KDM2A: variants seen among roughly 807,000 people sequenced by gnomAD.
KDM2A encodes the protein lysine-specific demethylase 2A.
In KDM2A, 3 loss-of-function variants were observed where a neutral mutation model predicts 137.3. The ratio of observed to expected loss-of-function variants is 0.02; its 90% confidence interval spans 0.01 to 0.06. The LOEUF is 0.06. Among genes scored for constraint, KDM2A ranks in the 10% least tolerant of loss-of-function variants. The pLI, the probability that KDM2A is intolerant of heterozygous loss-of-function variation, is 1.00. For synonymous variants in KDM2A, 512 were observed against 541.5 expected (o/e 0.95, Z 0.76); for missense variants, 738 against 1,510.6 (o/e 0.49, Z 8.48).
rs1856204238 is a variant in KDM2A at position 67,144,730 on chromosome 11, A to G, written c.42+23372A>G. On this transcript the variant is annotated intron_variant, in intron 2 of 20. Coordinates refer to ENST00000529006, the MANE Select transcript of KDM2A (RefSeq NM_012308.3). The stretch of plus-strand genomic sequence containing the variant: ...CGGCACGCACCACGAAGCCCAGCTA[A>G]TATTTGGTATTTTTTTTGTAGTGAT... Among the ~76,000 whole-genome samples the G allele has an allele frequency of 2.0e-5, 3 of 149,484 alleles. No homozygotes were observed. In the South Asian group the frequency reaches 6.4e-4, roughly 32 times the overall value.
intron 6 of KDM2A, among the ~76,000 whole-genome samples, chr11:67,210,032 A>T (rs1458019700): frequency 6.6e-6 from 1 of 151,932 alleles, no homozygotes; most frequent in Admixed American, 6.6e-5. Flanking sequence ...CCTAGCCAAC[A>T]TTGCAAGAAT....
At chr11:67,177,173 A>G (rs1212501770) in intron 2 of KDM2A, among the ~76,000 whole-genome samples, 1 of 152,032 alleles carries the variant, frequency 6.6e-6, no homozygotes, top group African/African-American at 2.4e-5. Context: ...GGCTGAGGCG[A>G]GAGAATCACT....
intron 5 of KDM2A, among the ~76,000 whole-genome samples, chr11:67,195,236 G>T (rs1857447972): frequency 6.6e-6 from 1 of 151,922 alleles, no homozygotes; most frequent in Non-Finnish European, 1.5e-5. Flanking sequence ...GGGCGTGGTG[G>T]CGCATGCCTA....
chr11:67,234,565 G>A (rs1228728324), intron 12 of KDM2A, among the ~76,000 whole-genome samples: 1 of 152,296 alleles, frequency 6.6e-6, no homozygotes, highest in Non-Finnish European at 1.5e-5. Context: ...GAAAAAATAG[G>A]ACATTAAAAA....
chr11:67,167,861 C>T (rs1856781677), intron 2 of KDM2A, among the ~76,000 whole-genome samples: 1 of 152,148 alleles, frequency 6.6e-6, no homozygotes, highest in Non-Finnish European at 1.5e-5. Context: ...TAATTTATCA[C>T]TGCATCTTCT....
intron 5 of KDM2A, among the ~76,000 whole-genome samples, chr11:67,198,668 C>T (rs1157024842): frequency 3.3e-5 from 5 of 150,630 alleles, no homozygotes. Context: ...TGAGATCCCG[C>T]CACTGCACTC....
intron 2 of KDM2A, among the ~76,000 whole-genome samples, chr11:67,169,260 A>G (rs114681982): frequency 0.018 from 2,785 of 151,516 alleles, 85 homozygotes; most frequent in African/African-American, 0.064. Context: ...GGCCTAATCC[A>G]TGTAGCTTTA....
At chr11:67,211,922 T>G (rs184693549) in intron 6 of KDM2A, among the ~76,000 whole-genome samples, 1 of 152,242 alleles carries the variant, frequency 6.6e-6, no homozygotes, top group East Asian at 1.9e-4. Context: ...CAGTGGAAAA[T>G]GATATCATTC....
chr11:67,237,528 C>T (rs1858906775), intron 12 of KDM2A, among the ~76,000 whole-genome samples: 1 of 151,860 alleles, frequency 6.6e-6, no homozygotes, highest in Admixed American at 6.6e-5. Context: ...GAACTCCTTG[C>T]CTTGAGCAAT....
chr11:67,156,126 T>C (rs1856509579), intron 2 of KDM2A, among the ~76,000 whole-genome samples: 4 of 150,836 alleles, frequency 2.7e-5, no homozygotes, highest in Admixed American at 2.6e-4. Context: ...CACATGCCTG[T>C]AATCTCAGCT....
chr11:67,130,692 T>C (rs945594551), intron 2 of KDM2A, among the ~76,000 whole-genome samples: 4 of 152,190 alleles, frequency 2.6e-5, no homozygotes, highest in African/African-American at 9.6e-5. Flanking sequence ...TCTGTTTATC[T>C]CACTTTTGGA....
At chr11:67,247,954 G>A (rs1859300924) in intron 15 of KDM2A, among the ~76,000 whole-genome samples, 1 of 152,150 alleles carries the variant, frequency 6.6e-6, no homozygotes. Flanking sequence ...GGGTTTTGTT[G>A]TATCTCTGGC....
rs1859393658 is a variant in KDM2A at position 67,250,698 on chromosome 11, G to A, written c.2668G>A (p.Glu890Lys). Reference sequence around the variant, plus strand: ...GGGCAGTTGGGCTCAGGATGGAGACGAAAGCTGGATGCAGCGGGAGGTCTG... The same window carrying A: ...GGGCAGTTGGGCTCAGGATGGAGACAAAAGCTGGATGCAGCGGGAGGTCTG... ...GRGSWAQDGD[E>K]SWMQREVWMS... The change falls in exon 17 of 21, where the codon GAA (glutamate) becomes AAA (lysine). Residue 890 changes from glutamate (E) to lysine (K), a missense_variant. Physicochemically the swap from Glu to Lys is moderately conservative, Grantham distance 56. Transcript: ENST00000529006. The surrounding 1 kb of genome is among the most constrained non-coding windows in gnomAD (Gnocchi z 7.1). The A allele has an allele frequency of 3.1e-6, 5 of 1,593,384 alleles. No homozygotes were observed. The highest frequency in any genetic ancestry group is 3.4e-6 in the Non-Finnish European group (4 of 1,168,312).
chr11:67,151,871 C>T (rs552383765), intron 2 of KDM2A, among the ~76,000 whole-genome samples: 4 of 151,998 alleles, frequency 2.6e-5, no homozygotes, highest in South Asian at 2.1e-4. Context: ...CAACCTCCTG[C>T]GTAGCTAGGA....
intron 12 of KDM2A, chr11:67,240,344 A>G: frequency 6.5e-7 from 1 of 1,535,444 alleles, no homozygotes; most frequent in Non-Finnish European, 8.7e-7. Context: ...GAGCCTCGGC[A>G]GCTCCAGAGC....
intron 5 of KDM2A, among the ~76,000 whole-genome samples, chr11:67,207,231 G>A (rs1176324935): frequency 6.6e-6 from 1 of 152,132 alleles, no homozygotes; most frequent in South Asian, 2.1e-4. Context: ...TTAGTATTTA[G>A]CATTTAGAAT....
chr11:67,247,531 A>G (rs1859288257), intron 15 of KDM2A, among the ~76,000 whole-genome samples: 1 of 147,114 alleles, frequency 6.8e-6, no homozygotes, highest in Non-Finnish European at 1.5e-5. Context: ...GGGTTCAAGC[A>G]ATTCTTCTGC....
At chr11:67,173,548 T>C (rs1590748014) in intron 2 of KDM2A, among the ~76,000 whole-genome samples, 1 of 151,932 alleles carries the variant, frequency 6.6e-6, no homozygotes, top group Non-Finnish European at 1.5e-5. Context: ...TGAGCCACCA[T>C]GCCCAGCCAG....
At chr11:67,131,868 G>A (rs1434119146) in intron 2 of KDM2A, 1 of 152,056 alleles carries the variant, frequency 6.6e-6, no homozygotes, top group African/African-American at 2.4e-5. Flanking sequence ...CTGTTAAAAC[G>A]GCAGTATTGT....
Sources: allele counts gnomAD v4.1 joint callset (sites outside exome capture counted in the v4.1 genomes callset), GRCh38; gene constraint gnomAD v4.1.1; non-coding constraint Gnocchi (gnomAD v3.1); transcripts MANE v1.5; gene names NCBI Gene and HGNC (gene_info 2026-07-23, HGNC 2026-07-21).